The following CA10 variants were observed in gnomAD, a reference collection of about 807,000 sequenced individuals.
CA10 encodes the protein carbonic anhydrase 10 (inactive).
CA10 carries 14 observed loss-of-function variants against 44.2 expected under a neutral mutation model. The observed-to-expected ratio is 0.32, with a 90% CI of 0.21 to 0.50. CA10 has a LOEUF of 0.50. Ranked by LOEUF, CA10 falls within the 20% of genes least tolerant of loss-of-function variation. CA10 has a pLI of 0.99. For synonymous variants in CA10, 159 were observed against 141.6 expected, an observed-to-expected ratio of 1.12 and a Z score of -0.87; for missense variants, 350 against 409.7, an observed-to-expected ratio of 0.85 and a Z score of 1.26.
At chr17:51,963,372 A>C (rs1347021454) in intron 2 of CA10, among the ~76,000 whole-genome samples, 1 of 152,204 alleles carries the variant, frequency 6.6e-6, no homozygotes, top group African/African-American at 2.4e-5. Flanking sequence ...AAACGTCCCT[A>C]ATCTTGCTAG....
chr17:52,020,679 G>A (rs1330983638), intron 2 of CA10, among the ~76,000 whole-genome samples: 1 of 151,834 alleles, frequency 6.6e-6, no homozygotes, highest in Non-Finnish European at 1.5e-5. Flanking sequence ...TTTAGATTCA[G>A]GGGGTACATA....
Position 51,715,901 on chromosome 17 carries a change from G to T in CA10, c.465+31732C>A, listed in dbSNP as rs1487360006. On this transcript the variant is annotated intron_variant, in intron 4 of 8. Coordinates refer to ENST00000451037, the MANE Select transcript of CA10 (RefSeq NM_020178.5). ...GACGGGGTTTCACCATGTTGGCCAG[G>T]CTGGTCTCGAACTCCTGACCTCAGG... Among the ~76,000 whole-genome samples the T allele has an allele frequency of 2.0e-5, 3 of 152,224 alleles. No individual in the cohort carries two copies. The East Asian group carries it at 5.8e-4, about 29-fold the overall frequency.
chr17:51,760,163 C>G (rs1045381228), intron 3 of CA10, among the ~76,000 whole-genome samples: 2 of 152,240 alleles, frequency 1.3e-5, no homozygotes, highest in Non-Finnish European at 1.5e-5. Context: ...GTCCATAGAT[C>G]CTTCTTAACA....
intron 4 of CA10, among the ~76,000 whole-genome samples, chr17:51,692,055 G>A (rs1378880431): frequency 1.3e-5 from 2 of 150,768 alleles, no homozygotes; most frequent in African/African-American, 4.9e-5. Flanking sequence ...TATTTTGATA[G>A]GGATTGCTTG....
Position 52,008,622 on chromosome 17 carries a change from A to G in CA10, c.136+63697T>C, listed in dbSNP as rs575568038. 1.8e-4 allele frequency among the ~76,000 whole-genome samples: 28 copies of G among 151,946 alleles called. 1 individual carries two copies. In the East Asian group the frequency reaches 2.1e-3, roughly 12 times the overall value. On this transcript the variant is annotated intron_variant, in intron 2 of 8. Transcript: ENST00000451037. ...TCATCTTGACAACTTACATATTGTAAGTTATAGATCCTCCAGTATCTTTCT... is the reference window on the plus strand; with the variant it reads ...TCATCTTGACAACTTACATATTGTAGGTTATAGATCCTCCAGTATCTTTCT...
intron 2 of CA10, among the ~76,000 whole-genome samples, chr17:51,995,614 A>T (rs1350646097): frequency 1.3e-5 from 2 of 152,094 alleles, no homozygotes; most frequent in African/African-American, 2.4e-5. Flanking sequence ...CAAAAAGAGG[A>T]TGTAAACAGA....
At chr17:51,750,170 T>C (rs1324474974) in intron 3 of CA10, among the ~76,000 whole-genome samples, 3 of 152,162 alleles carry the variant, frequency 2.0e-5, no homozygotes, top group African/African-American at 7.2e-5. Flanking sequence ...TACATAGGCA[T>C]TATTATATGG....
At chr17:51,873,318 C>T (rs1330984607) in intron 3 of CA10, among the ~76,000 whole-genome samples, 1 of 152,086 alleles carries the variant, frequency 6.6e-6, no homozygotes, top group Non-Finnish European at 1.5e-5. Flanking sequence ...CAGTTTGTAC[C>T]ATCTTGTTAA....
chr17:52,094,278 TAAAGTA>T (rs1322740921), intron 1 of CA10, among the ~76,000 whole-genome samples: 1 of 148,328 alleles, frequency 6.7e-6, no homozygotes, highest in East Asian at 2.0e-4. Flanking sequence ...ACCCATAACT[TAAAGTA>T]TAATTTAAAA....
intron 2 of CA10, among the ~76,000 whole-genome samples, chr17:52,057,457 G>T (rs1003868424): frequency 6.6e-6 from 1 of 150,938 alleles, no homozygotes; most frequent in African/African-American, 2.4e-5. Flanking sequence ...CTCTAGCTTT[G>T]TTTATTGTAA....
chr17:51,871,226 CTTAT>C (rs530615358), intron 3 of CA10, among the ~76,000 whole-genome samples: 11 of 149,156 alleles, frequency 7.4e-5, no homozygotes, highest in East Asian at 2.0e-4. Flanking sequence ...GCCTGGCTTG[CTTAT>C]TTATTTATTT....
intron 3 of CA10, among the ~76,000 whole-genome samples, chr17:51,790,499 TTCTC>T (rs1482227217): frequency 2.6e-5 from 4 of 152,228 alleles, no homozygotes; most frequent in African/African-American, 7.2e-5. Flanking sequence ...GAGCATTCTT[TTCTC>T]TCTGCTATTT....
At chr17:51,780,459 C>T (rs1170439369) in intron 3 of CA10, among the ~76,000 whole-genome samples, 1 of 152,142 alleles carries the variant, frequency 6.6e-6, no homozygotes, top group African/African-American at 2.4e-5. Context: ...TCTGAGATCC[C>T]CTCATTATTT....
At position 51,882,827 on chromosome 17, in the gene CA10, C is replaced by T. The variant is rs189646089; in HGVS notation, c.279+48163G>A. Among the ~76,000 whole-genome samples the T allele has an allele frequency of 5.9e-5, 9 of 152,286 alleles. No individual in the cohort carries two copies. The East Asian group carries it at 1.2e-3, about 20-fold the overall frequency. On this transcript the variant is annotated intron_variant, in intron 3 of 8. Coordinates refer to ENST00000451037, the MANE Select transcript of CA10 (RefSeq NM_020178.5). ...CTCTCTAGGGAGCCTACAAAGAGGTCCAGGAAGGTTTTCTTTTTAAAATGT... is the reference window on the plus strand; with the variant it reads ...CTCTCTAGGGAGCCTACAAAGAGGTTCAGGAAGGTTTTCTTTTTAAAATGT...
At chr17:51,730,459 G>T (rs1447397491) in intron 4 of CA10, among the ~76,000 whole-genome samples, 2 of 152,038 alleles carry the variant, frequency 1.3e-5, no homozygotes, top group Non-Finnish European at 2.9e-5. Context: ...TTGTAAATGT[G>T]GCCAGAAAAT....
intron 3 of CA10, among the ~76,000 whole-genome samples, chr17:51,903,640 T>C (rs143355438): frequency 1.3e-5 from 2 of 152,256 alleles, no homozygotes; most frequent in African/African-American, 4.8e-5. Context: ...ATTATACTCT[T>C]TCTAATTTTT....
At chr17:51,884,404 T>A (rs975329790) in intron 3 of CA10, among the ~76,000 whole-genome samples, 2 of 152,198 alleles carry the variant, frequency 1.3e-5, no homozygotes, top group Admixed American at 6.5e-5. Context: ...GCCTCCAAGC[T>A]TTCTCTAGAA....
chr17:52,078,046 G>A (rs1987863144), intron 1 of CA10, among the ~76,000 whole-genome samples: 1 of 152,172 alleles, frequency 6.6e-6, no homozygotes, highest in Non-Finnish European at 1.5e-5. Flanking sequence ...CAAGTCTTTG[G>A]ATCCAGACTA....
intron 2 of CA10, among the ~76,000 whole-genome samples, chr17:51,969,196 C>A (rs1332957526): frequency 6.6e-6 from 1 of 152,030 alleles, no homozygotes; most frequent in East Asian, 1.9e-4. Flanking sequence ...ACTCCCACCA[C>A]GATGAACTAA....
Sources: allele counts gnomAD v4.1 joint callset (sites outside exome capture counted in the v4.1 genomes callset), GRCh38; gene constraint gnomAD v4.1.1; transcripts MANE v1.5; gene names NCBI Gene and HGNC (gene_info 2026-07-23, HGNC 2026-07-21).